The following LINGO2 variants were observed in gnomAD, a reference collection of about 807,000 sequenced individuals.
LINGO2 encodes leucine rich repeat and Ig domain containing 2, also known as leucine-rich repeat and immunoglobulin-like domain-containing nogo receptor-interacting protein 2.
Under a neutral mutation model 30.6 loss-of-function variants are expected in LINGO2, and 14 were observed. That is an observed-to-expected ratio of 0.46 (90% CI 0.30 to 0.72). The LOEUF is 0.72. Among genes scored for constraint, LINGO2 ranks in the 30% least tolerant of loss-of-function variants. The pLI, the probability that LINGO2 is intolerant of heterozygous loss-of-function variation, is 0.07. For missense variants in LINGO2, 729 were observed against 751.7 expected (o/e 0.97, Z 0.35); for synonymous variants, 317 against 288.5 (o/e 1.10, Z -1.00).
intron 4 of LINGO2, among the ~76,000 whole-genome samples, chr9:28,094,037 C>A (rs1826174346): frequency 6.6e-6 from 1 of 152,026 alleles, no homozygotes; most frequent in African/African-American, 2.4e-5. Flanking sequence ...GCTAGGCAAT[C>A]AATAAATGTG....
chr9:28,050,535 A>G (rs776644209), intron 4 of LINGO2, among the ~76,000 whole-genome samples: 1 of 150,934 alleles, frequency 6.6e-6, no homozygotes, highest in Non-Finnish European at 1.5e-5. Flanking sequence ...AATCAAATGT[A>G]ATGTGTGATC....
intron 1 of LINGO2, among the ~76,000 whole-genome samples, chr9:28,651,022 C>T (rs1232359216): frequency 6.6e-6 from 1 of 151,698 alleles, no homozygotes; most frequent in Non-Finnish European, 1.5e-5. Flanking sequence ...AACCCTGTCT[C>T]CATTAAAAAT....
intron 4 of LINGO2, among the ~76,000 whole-genome samples, chr9:28,089,472 G>T (rs182900590): frequency 7.2e-5 from 11 of 152,084 alleles, no homozygotes; most frequent in Admixed American, 2.6e-4. Context: ...ACTACTGGGT[G>T]CATAATGAAA....
At chr9:28,622,986 T>C (rs987313268) in intron 1 of LINGO2, among the ~76,000 whole-genome samples, 4 of 152,102 alleles carry the variant, frequency 2.6e-5, no homozygotes, top group Admixed American at 6.6e-5. Flanking sequence ...TTTGTATGTC[T>C]TATTTTGAGA....
At chr9:28,183,257 G>A (rs1209388089) in intron 4 of LINGO2, among the ~76,000 whole-genome samples, 1 of 151,760 alleles carries the variant, frequency 6.6e-6, no homozygotes, top group African/African-American at 2.4e-5. Flanking sequence ...TGAACAATGA[G>A]AACACATGGA....
chr9:28,781,319 G>T, the LINGO2 span, among the ~76,000 whole-genome samples: 1 of 152,042 alleles, frequency 6.6e-6, no homozygotes, highest in Admixed American at 6.6e-5. Context: ...GATAGGGTTG[G>T]GGGGTTAGAC....
chr9:28,984,380 G>A, the LINGO2 span, among the ~76,000 whole-genome samples: 8 of 151,934 alleles, frequency 5.3e-5, no homozygotes, highest in Non-Finnish European at 1.0e-4. Context: ...GCTAAACCTG[G>A]TTCCGTTCAC....
rs1054304120 is a variant in LINGO2, at chr9:28,585,666, C to T, written c.-365+84534G>A. ...GTCCACAAGTTAGCTGTATTAAATG[C>T]ATTTTTTACTTACAATATTTTCAGT... On this transcript the variant is annotated intron_variant, in intron 1 of 5. Coordinates refer to ENST00000379992, the Ensembl canonical transcript of LINGO2. 2.0e-5 allele frequency among the ~76,000 whole-genome samples: 3 copies of T among 151,948 alleles called. 1 individual carries two copies. Among genetic ancestry groups the T allele is most frequent in the South Asian group, 4.2e-4 (2 of 4,816 alleles).
the LINGO2 span, among the ~76,000 whole-genome samples, chr9:29,027,419 C>G: frequency 6.6e-6 from 1 of 152,110 alleles, no homozygotes; most frequent in East Asian, 1.9e-4. Flanking sequence ...CTCACTGAAA[C>G]CTCCATCTTT....
At chr9:28,220,417 C>A (rs1305863743) in intron 4 of LINGO2, among the ~76,000 whole-genome samples, 1 of 152,060 alleles carries the variant, frequency 6.6e-6, no homozygotes, top group Non-Finnish European at 1.5e-5. Context: ...AAATAAGACT[C>A]CTGGGTACCA....
the LINGO2 span, among the ~76,000 whole-genome samples, chr9:28,989,849 G>A: frequency 1.3e-5 from 2 of 152,132 alleles, no homozygotes; most frequent in East Asian, 1.9e-4. Flanking sequence ...CTACTTTCTG[G>A]CTGGTGGGCA....
intron 5 of LINGO2, among the ~76,000 whole-genome samples, chr9:27,967,156 T>C (rs2118689297): frequency 6.6e-6 from 1 of 152,286 alleles, no homozygotes; most frequent in Non-Finnish European, 1.5e-5. Context: ...ACTCTGGAAA[T>C]GAACAAATAA....
the LINGO2 span, among the ~76,000 whole-genome samples, chr9:28,861,042 T>A: frequency 8.7e-6 from 1 of 114,972 alleles, no homozygotes; most frequent in African/African-American, 3.5e-5. Flanking sequence ...ATATTATTAA[T>A]ATATAAATGT....
intron 1 of LINGO2, among the ~76,000 whole-genome samples, chr9:28,517,854 TCATCC>T (rs1350762531): frequency 3.1e-4 from 47 of 152,120 alleles, no homozygotes; most frequent in Non-Finnish European, 5.7e-4. Flanking sequence ...ACACAATAAA[TCATCC>T]TCAAGGTACA....
intron 1 of LINGO2, among the ~76,000 whole-genome samples, chr9:28,508,484 CT>C (rs1008640686): frequency 2.6e-5 from 4 of 151,926 alleles, no homozygotes; most frequent in African/African-American, 7.2e-5. Flanking sequence ...CACCTTCTCT[CT>C]TTTTTTCCCT....
At chr9:27,965,020 A>G (rs1420220627) in intron 5 of LINGO2, among the ~76,000 whole-genome samples, 1 of 152,106 alleles carries the variant, frequency 6.6e-6, no homozygotes, top group East Asian at 1.9e-4. Context: ...ACTCTCCCAC[A>G]AGAAACAAAA....
chr9:28,064,744 C>T (rs1352637050), intron 4 of LINGO2, among the ~76,000 whole-genome samples: 2 of 152,060 alleles, frequency 1.3e-5, no homozygotes, highest in Non-Finnish European at 2.9e-5. Flanking sequence ...GAAAGGGGCT[C>T]ACTTCCTAAT....
intron 3 of LINGO2, among the ~76,000 whole-genome samples, chr9:28,295,851 C>T (rs1021514730): frequency 4.1e-4 from 62 of 152,170 alleles, no homozygotes; most frequent in African/African-American, 1.4e-3. Context: ...TCAATGTGAA[C>T]ATTCCCTGTA....
intron 1 of LINGO2, among the ~76,000 whole-genome samples, chr9:28,519,946 AGTGAGGGTTAAG>A (rs1056551598): frequency 6.6e-5 from 10 of 152,172 alleles, no homozygotes; most frequent in Non-Finnish European, 1.3e-4. Context: ...TCATATACAA[AGTGAGGGTTAAG>A]GTTAATTTTC....
Sources: allele counts gnomAD v4.1 joint callset (sites outside exome capture counted in the v4.1 genomes callset), GRCh38; gene constraint gnomAD v4.1.1; transcripts MANE v1.5; gene names NCBI Gene and HGNC (gene_info 2026-07-23, HGNC 2026-07-21).